The following SPMIP2 variants were observed in gnomAD, a reference collection of about 807,000 sequenced individuals.
SPMIP2 encodes sperm microtubule inner protein 2, also known as protein SPMIP2.
chr4:159,054,975 G>A, the SPMIP2 span, among the ~76,000 whole-genome samples: 1 of 152,138 alleles, frequency 6.6e-6, no homozygotes, highest in Admixed American at 6.5e-5. Context: ...CCCCCCATCT[G>A]AGGCTTCTGC....
At chr4:158,972,651 T>TA in the SPMIP2 span, among the ~76,000 whole-genome samples, 4 of 152,220 alleles carry the variant, frequency 2.6e-5, no homozygotes, top group Non-Finnish European at 5.9e-5. Flanking sequence ...TAATACTTGA[T>TA]ACGAAGGCAT....
the SPMIP2 span, among the ~76,000 whole-genome samples, chr4:158,980,366 C>A: frequency 6.6e-6 from 1 of 152,158 alleles, no homozygotes; most frequent in Non-Finnish European, 1.5e-5. Context: ...AAAGGTCAAA[C>A]TGCCTCCTCA....
At chr4:158,972,276 C>T in the SPMIP2 span, among the ~76,000 whole-genome samples, 22 of 152,184 alleles carry the variant, frequency 1.4e-4, no homozygotes, top group African/African-American at 5.1e-4. Flanking sequence ...GCAGGAGAAT[C>T]GCTTGAACCC....
At chr4:159,017,223 T>C in the SPMIP2 span, among the ~76,000 whole-genome samples, 144 of 152,294 alleles carry the variant, frequency 9.5e-4, no homozygotes, top group African/African-American at 3.4e-3. Flanking sequence ...TGCACTGCCT[T>C]TTTGTGCTGA....
the SPMIP2 span, among the ~76,000 whole-genome samples, chr4:158,956,746 AC>A: frequency 3.3e-5 from 5 of 152,112 alleles, no homozygotes; most frequent in African/African-American, 1.2e-4. Context: ...CATCATTATA[AC>A]AAATATGGTC....
At chr4:158,977,439 C>A in the SPMIP2 span, among the ~76,000 whole-genome samples, 9 of 151,426 alleles carry the variant, frequency 5.9e-5, no homozygotes, top group African/African-American at 7.3e-5. Flanking sequence ...CAGTGGTGAT[C>A]TCCCCTTTAT....
At chr4:158,939,208 A>G in the SPMIP2 span, among the ~76,000 whole-genome samples, 2 of 152,204 alleles carry the variant, frequency 1.3e-5, no homozygotes, top group African/African-American at 2.4e-5. Flanking sequence ...GTTTTGGATA[A>G]GTTTATCTAT....
At chr4:159,027,594 T>C in the SPMIP2 span, among the ~76,000 whole-genome samples, 1 of 152,192 alleles carries the variant, frequency 6.6e-6, no homozygotes, top group Non-Finnish European at 1.5e-5. Flanking sequence ...AAAAGAGTTG[T>C]CTTGTGGATT....
At chr4:158,965,264 T>A in the SPMIP2 span, among the ~76,000 whole-genome samples, 1 of 135,062 alleles carries the variant, frequency 7.4e-6, no homozygotes, top group Non-Finnish European at 1.6e-5. Flanking sequence ...TTTTTTTTTT[T>A]AAAGAAAGAC....
At chr4:158,921,266 C>T in the SPMIP2 span, among the ~76,000 whole-genome samples, 1 of 152,086 alleles carries the variant, frequency 6.6e-6, no homozygotes, top group African/African-American at 2.4e-5. Context: ...TGGTGAAACC[C>T]CGTCTCTACT....
chr4:158,918,157 G>T, the SPMIP2 span, among the ~76,000 whole-genome samples: 3 of 152,178 alleles, frequency 2.0e-5, no homozygotes, highest in Non-Finnish European at 4.4e-5. Context: ...TACCCTGCCT[G>T]ACACGTAATT....
At chr4:159,068,602 C>T in the SPMIP2 span, among the ~76,000 whole-genome samples, 4 of 151,500 alleles carry the variant, frequency 2.6e-5, no homozygotes, top group East Asian at 1.9e-4. Flanking sequence ...ATGGCACATG[C>T]ATACATATGT....
the SPMIP2 span, among the ~76,000 whole-genome samples, chr4:159,023,972 C>G: frequency 6.6e-6 from 1 of 152,140 alleles, no homozygotes; most frequent in Non-Finnish European, 1.5e-5. Flanking sequence ...TAGGTATCAT[C>G]CTGACTAGGA....
At chr4:159,060,184 G>C in the SPMIP2 span, among the ~76,000 whole-genome samples, 1 of 152,150 alleles carries the variant, frequency 6.6e-6, no homozygotes, top group Non-Finnish European at 1.5e-5. Context: ...TACCAGCTGG[G>C]TCAGATAAGA....
the SPMIP2 span, among the ~76,000 whole-genome samples, chr4:158,982,808 G>A: frequency 1.4e-4 from 22 of 152,164 alleles, no homozygotes; most frequent in South Asian, 8.3e-4. Flanking sequence ...AAAGCTGGAC[G>A]GAGAATGACT....
chr4:159,000,600 T>G, the SPMIP2 span, among the ~76,000 whole-genome samples: 5 of 151,722 alleles, frequency 3.3e-5, no homozygotes, highest in Non-Finnish European at 7.4e-5. Flanking sequence ...ATTCAAGTAT[T>G]CTCCTGCCTC....
the SPMIP2 span, among the ~76,000 whole-genome samples, chr4:158,993,375 A>G: frequency 6.6e-6 from 1 of 152,056 alleles, no homozygotes; most frequent in African/African-American, 2.4e-5. Flanking sequence ...TCTAAAAAAA[A>G]GAAGAAAAAA....
the SPMIP2 span, among the ~76,000 whole-genome samples, chr4:158,982,197 A>G: frequency 9.8e-5 from 15 of 152,346 alleles, no homozygotes; most frequent in African/African-American, 3.4e-4. Flanking sequence ...TATGCACTCA[A>G]TACAGGAGCA....
chr4:159,031,775 G>A, the SPMIP2 span, among the ~76,000 whole-genome samples: 63 of 152,314 alleles, frequency 4.1e-4, no homozygotes, highest in Non-Finnish European at 6.3e-4. Context: ...TGAGTCAAAT[G>A]TGGCAAAATT....
Sources: allele counts gnomAD v4.1 joint callset (sites outside exome capture counted in the v4.1 genomes callset), GRCh38; gene constraint gnomAD v4.1.1; transcripts MANE v1.5; gene names NCBI Gene and HGNC (gene_info 2026-07-23, HGNC 2026-07-21).